MBTPS1: variants seen among roughly 807,000 people sequenced by gnomAD.
MBTPS1 encodes membrane-bound transcription factor site-1 protease.
MBTPS1 carries 94 observed loss-of-function variants against 127.8 expected under a neutral mutation model. That is an observed-to-expected ratio of 0.74 (90% CI 0.62 to 0.87). The LOEUF (loss-of-function observed/expected upper bound fraction) is 0.87. MBTPS1 is among the 40% of genes least tolerant of loss of function. MBTPS1 has a pLI of 0.00. For synonymous variants in MBTPS1, 632 were observed against 509.4 expected, an observed-to-expected ratio of 1.24 and a Z score of -3.24; for missense variants, 1,636 against 1,353.2, an observed-to-expected ratio of 1.21 and a Z score of -3.28.
intron 1 of MBTPS1, among the ~76,000 whole-genome samples, chr16:84,104,131 G>A (rs2086292966): frequency 6.6e-6 from 1 of 152,268 alleles, no homozygotes; most frequent in Non-Finnish European, 1.5e-5. Flanking sequence ...ACTGGCCGAA[G>A]AAGATAAAAG....
At chr16:84,059,515 G>T in intron 20 of MBTPS1, 87 bp from the exon 21 acceptor site, 1 of 1,292,516 alleles carries the variant, frequency 7.7e-7, no homozygotes, top group South Asian at 1.4e-5. Flanking sequence ...TTATGAGTCT[G>T]TCTGCTTTCC....
rs186300940 is a variant in MBTPS1 at position 84,108,701 on chromosome 16, C to T, written c.-324-6594G>A. 1.6e-4 allele frequency among the ~76,000 whole-genome samples: 24 copies of T among 152,150 alleles called. No homozygotes were observed. The East Asian group carries it at 4.4e-3, about 28-fold the overall frequency. The stretch of plus-strand genomic sequence containing the variant: ...CACTACAGGGTCTTAAGAGTCTGAG[C>T]GGAGTGAGGAAGGTATGTGAAGGGA... On this transcript the variant is annotated intron_variant, in intron 1 of 22. Transcript: ENST00000343411.
rs1262853520 is a variant in MBTPS1 at position 84,099,266 on chromosome 16, T to A, written c.208A>T (p.Asn70Tyr). 1 of 1,614,024 alleles carries A rather than the reference T, an allele frequency of 6.2e-7. No individual in the cohort carries two copies. The highest frequency in any genetic ancestry group is 2.2e-5 in the East Asian group (1 of 44,900). ...FNGYFTAKAR[N>Y]SFISSALKSS... is the part of the protein sequence containing the mutation. The stretch of plus-strand genomic sequence containing the variant: ...TTCAGGGCACTTGAAATAAATGAAT[T>A]TCTAGCTTTGGCTGTAAAGTATCCA... Residue 70 changes from asparagine (N) to tyrosine (Y), a missense_variant, in exon 3 of 23, where the codon AAT (asparagine) becomes TAT (tyrosine). Transcript: ENST00000343411.
In MBTPS1 at chr16:84,101,734, C is replaced by T. The variant is rs374302126; in HGVS notation, c.50G>A (p.Gly17Glu). 1.1e-5 allele frequency: 17 copies of T among 1,614,022 alleles called. 1 individual carries two copies. The highest frequency in any genetic ancestry group is 1.4e-5 in the Non-Finnish European group (17 of 1,180,012). ...CAGTCTGTCGCCCAGATGTTTCTTC[C>T]CACAGAGCAAAACCACGAGCAGAAG... is the stretch of plus-strand genomic sequence containing the variant. ...WLLLLVVLLC[G>E]KKHLGDRLEK... is the part of the protein sequence containing the mutation. The change falls in exon 2 of 23, where the codon GGG (glycine) becomes GAG (glutamate). Residue 17 changes from glycine (G) to glutamate (E), a missense_variant. Coordinates refer to ENST00000343411, the MANE Select transcript of MBTPS1 (RefSeq NM_003791.4).
Position 84,091,714 on chromosome 16 carries a change from T to C in MBTPS1, c.963+18A>G. On this transcript the variant is annotated intron_variant, in intron 7 of 22. Transcript: ENST00000343411. ...CAGGAGCTGTCACCCAAACCCCGTG[T>C]GCAGTGACTCCACAAACCTTGTCAA... The C allele has an allele frequency of 6.4e-7, 1 of 1,570,244 alleles. No homozygotes were observed. Among genetic ancestry groups the C allele is most frequent in the Non-Finnish European group, 8.8e-7 (1 of 1,140,094 alleles).
rs559343209 is a variant in MBTPS1 at position 84,063,457 on chromosome 16, C to A, written c.2432-12G>T. 34 of 1,609,674 alleles carry A rather than the reference C, an allele frequency of 2.1e-5. No homozygotes were observed. The South Asian group carries it at 3.4e-4, about 16-fold the overall frequency. On this transcript the variant is annotated splice_polypyrimidine_tract_variant and intron_variant, in intron 18 of 22. Transcript: ENST00000343411. ...TAAAACCTCCAATCCTGAAACAACA[C>A]AACAAAAAACAACAGCCATGAGAGT... is the stretch of plus-strand genomic sequence containing the variant.
intron 21 of MBTPS1, 108 bp downstream of exon 21, chr16:84,059,194 A>T (rs1020455735): frequency 1.4e-6 from 2 of 1,391,070 alleles, no homozygotes; most frequent in Non-Finnish European, 2.0e-6. Flanking sequence ...AAGCTTGAAG[A>T]TCTGACAATT....
intron 11 of MBTPS1, among the ~76,000 whole-genome samples, chr16:84,079,178 C>T (rs909190921): frequency 6.6e-6 from 1 of 152,206 alleles, no homozygotes; most frequent in Admixed American, 6.5e-5. Flanking sequence ...TCACCTTCTG[C>T]CATGATTGGA....
At position 84,091,740 on chromosome 16, in the gene MBTPS1, C is replaced by T; in HGVS notation, c.955G>A (p.Val319Ile). The change falls in exon 7 of 23, where the codon GTT (valine) becomes ATT (isoleucine). Residue 319 changes from valine (V) to isoleucine (I), a missense_variant. Coordinates refer to ENST00000343411, the MANE Select transcript of MBTPS1 (RefSeq NM_003791.4). ...GGPDFMDHPF[V>I]DKVWELTANN... ...GCAGTGACTCCACAAACCTTGTCAA[C>T]AAACGGATGATCCATGAAGTCCGGG... is the stretch of plus-strand genomic sequence containing the variant. 1 of 1,612,840 alleles carries T rather than the reference C, an allele frequency of 6.2e-7. No homozygotes were observed. Among genetic ancestry groups the T allele is most frequent in the East Asian group, 2.2e-5 (1 of 44,864 alleles).
chr16:84,091,783 T>C lies in MBTPS1; in HGVS notation c.912A>G (p.Leu304=). 6.2e-7 allele frequency: 1 copy of C among 1,614,168 alleles called. No homozygotes were observed. The highest frequency in any genetic ancestry group is 8.5e-7 in the Non-Finnish European group (1 of 1,180,012). ...NYAILKKIDV[L]NLSIGGPDFM... is the part of the protein sequence containing the mutation. ...AGTCCGGGCCGCCGATGCTGAGGTTTAACACGTCGATCTTCTTTAAAATGG... is the reference window on the plus strand; with the variant it reads ...AGTCCGGGCCGCCGATGCTGAGGTTCAACACGTCGATCTTCTTTAAAATGG... Residue 304 remains leucine, a synonymous_variant, in exon 7 of 23, where the codon TTA becomes TTG. Transcript: ENST00000343411.
chr16:84,072,818 G>A (rs1005401103), intron 12 of MBTPS1, among the ~76,000 whole-genome samples: 2 of 152,120 alleles, frequency 1.3e-5, no homozygotes, highest in Non-Finnish European at 2.9e-5. Flanking sequence ...CCCAGTGAAG[G>A]TGTGGTGGAG....
intron 8 of MBTPS1, among the ~76,000 whole-genome samples, chr16:84,090,469 G>C (rs1163439236): frequency 1.3e-5 from 2 of 152,188 alleles, no homozygotes; most frequent in Non-Finnish European, 2.9e-5. Flanking sequence ...CTTTCAGAGA[G>C]AGGCAGAAAC....
intron 4 of MBTPS1, among the ~76,000 whole-genome samples, chr16:84,094,135 G>T (rs1165975810): frequency 6.6e-6 from 1 of 151,876 alleles, no homozygotes; most frequent in Admixed American, 6.6e-5. Context: ...ACTCCTAGCG[G>T]GCTTCTCAAG....
In MBTPS1 at chr16:84,095,664, G is replaced by C; in HGVS notation, c.563C>G (p.Ala188Gly). 1 of 1,614,218 alleles carries C rather than the reference G, an allele frequency of 6.2e-7. No homozygotes were observed. The highest frequency in any genetic ancestry group is 8.5e-7 in the Non-Finnish European group (1 of 1,180,042). The change falls in exon 4 of 23, where the codon GCC becomes GGC. Residue 188 changes from alanine to glycine, a missense_variant. Physicochemically the swap from Ala to Gly is moderately conservative, Grantham distance 60. Coordinates refer to ENST00000343411, the MANE Select transcript of MBTPS1 (RefSeq NM_003791.4). ...TGTCTGGGCAACCTGGCGCGGGATG[G>C]CTCTCAGCAGCCGTCTGCTCGAATG... ...GRHSSRRLLR[A>G]IPRQVAQTLQ...
chr16:84,111,174 A>G (rs568394328), intron 1 of MBTPS1, among the ~76,000 whole-genome samples: 45 of 151,688 alleles, frequency 3.0e-4, no homozygotes, highest in Non-Finnish European at 6.5e-4. Context: ...CAGGTGGGCC[A>G]GGTGTCATCA....
Position 84,095,533 on chromosome 16 carries a change from G to A in MBTPS1, c.625+69C>T, listed in dbSNP as rs1296612825. 9.1e-6 allele frequency: 14 copies of A among 1,543,880 alleles called. No individual in the cohort carries two copies. In the East Asian group the frequency reaches 1.1e-4, roughly 13 times the overall value. ...GAATTCCTGCATGTCTGGACTTTCC[G>A]CGCCTTCCCTGGGTAATAGCACACA... On this transcript the variant is annotated intron_variant, in intron 4 of 22. Coordinates refer to ENST00000343411, the MANE Select transcript of MBTPS1 (RefSeq NM_003791.4).
In MBTPS1 at chr16:84,095,757, T is replaced by G; in HGVS notation, c.470A>C (p.Gln157Pro). 2 of 1,614,156 alleles carry G rather than the reference T, an allele frequency of 1.2e-6. No individual in the cohort carries two copies. Among genetic ancestry groups the G allele is most frequent in the Non-Finnish European group, 1.7e-6 (2 of 1,180,014 alleles). The change falls in exon 4 of 23, where the codon CAA becomes CCA. Residue 157 changes from glutamine (Q) to proline (P), a missense_variant. Transcript: ENST00000343411. ...CNETRWSQKWQSSRPLRRASL... is the reference protein window; with the variant it reads ...CNETRWSQKWPSSRPLRRASL... ...GGCTCTTCGCAGGGGACGTGATGATTGCCACTTCTGGCTCCACCGGGTTTC... is the reference window on the plus strand; with the variant it reads ...GGCTCTTCGCAGGGGACGTGATGATGGCCACTTCTGGCTCCACCGGGTTTC...
At chr16:84,101,232 G>T (rs532175301) in intron 2 of MBTPS1, among the ~76,000 whole-genome samples, 3 of 152,178 alleles carry the variant, frequency 2.0e-5, no homozygotes, top group Admixed American at 1.3e-4. Context: ...CCTGGGAGGT[G>T]GAAGTTGCAG....
intron 9 of MBTPS1, 69 bp from the exon 10 acceptor site, chr16:84,085,203 A>G: frequency 1.4e-6 from 2 of 1,472,674 alleles, no homozygotes; most frequent in Admixed American, 3.5e-5. Flanking sequence ...ATCATGAGTG[A>G]ATCAAATCAG....
Sources: allele counts gnomAD v4.1 joint callset (sites outside exome capture counted in the v4.1 genomes callset), GRCh38; gene constraint gnomAD v4.1.1; transcripts MANE v1.5; gene names NCBI Gene and HGNC (gene_info 2026-07-23, HGNC 2026-07-21).